MYH15: variants seen among roughly 807,000 people sequenced by gnomAD.
MYH15 encodes myosin heavy chain 15.
A neutral mutation model predicts 240.5 loss-of-function variants in MYH15; 227 were observed. That is an observed-to-expected ratio of 0.94 (90% CI 0.85 to 1.05). The LOEUF (loss-of-function observed/expected upper bound fraction) is 1.05, where lower values mean the gene tolerates loss of function less well. Among genes scored for constraint, MYH15 ranks in the 50% least tolerant of loss-of-function variants. The pLI is 0.00. For missense variants in MYH15, 2,217 were observed against 2,247.5 expected, an observed-to-expected ratio of 0.99 and a Z score of 0.27; for synonymous variants, 785 against 796.7, an observed-to-expected ratio of 0.99 and a Z score of 0.25.
intron 16 of MYH15, among the ~76,000 whole-genome samples, chr3:108,460,785 C>G (rs540648177): frequency 2.1e-4 from 32 of 151,764 alleles, no homozygotes; most frequent in East Asian, 1.7e-3. Context: ...GTTTACAAAG[C>G]CTAAATTTTA....
In MYH15 at chr3:108,501,792, C is replaced by T. The variant is rs777019977; in HGVS notation, c.259G>A (p.Asp87Asn). The change falls in exon 3 of 41, where the codon GAC (aspartate) becomes AAC (asparagine). Residue 87 changes from aspartate (D) to asparagine (N), a missense_variant. By Grantham distance (23) the Asp-to-Asn change is conservative. Coordinates refer to ENST00000693548, the MANE Select transcript of MYH15 (RefSeq NM_014981.3). ...TTGAGGTGAGTCAGCATTGCCATGT[C>T]TTCAATCATTTCAAACTCTGGAGGA... is the stretch of plus-strand genomic sequence containing the variant. The part of the protein sequence containing the change: ...MNPPEFEMIE[D>N]MAMLTHLNEA... 2 of 1,614,102 alleles carry T rather than the reference C, an allele frequency of 1.2e-6. No homozygotes were observed. The highest frequency in any genetic ancestry group is 1.7e-6 in the Non-Finnish European group (2 of 1,179,984).
chr3:108,495,770 T>C lies in MYH15; in HGVS notation c.711+10A>G, dbSNP rs764941511. Reference sequence around the variant, plus strand: ...AATACTTTGATATTATGCTAAATCATGTTACTTACAAAACGAGAGGAGTTG... The same window carrying C: ...AATACTTTGATATTATGCTAAATCACGTTACTTACAAAACGAGAGGAGTTG... On this transcript the variant is annotated intron_variant, in intron 7 of 40. Transcript: ENST00000693548. 1.3e-5 allele frequency: 21 copies of C among 1,597,522 alleles called. No individual in the cohort carries two copies. Among genetic ancestry groups the C allele is most frequent in the Non-Finnish European group, 1.7e-5 (20 of 1,166,924 alleles).
chr3:108,492,366 C>T, intron 9 of MYH15, 134 bp downstream of exon 9: 2 of 495,968 alleles, frequency 4.0e-6, no homozygotes, highest in Non-Finnish European at 7.2e-6. Context: ...GATTCAATTC[C>T]CTAAGTTTTA....
chr3:108,429,868 G>A (rs1013508832), intron 26 of MYH15, among the ~76,000 whole-genome samples: 1 of 152,112 alleles, frequency 6.6e-6, no homozygotes, highest in Non-Finnish European at 1.5e-5. Flanking sequence ...CTTCCAACTG[G>A]TTATCATGGG....
At chr3:108,501,275 T>C (rs1258458502) in intron 3 of MYH15, among the ~76,000 whole-genome samples, 1 of 152,208 alleles carries the variant, frequency 6.6e-6, no homozygotes. Flanking sequence ...ATCATCAATT[T>C]AAAGATGATG....
In MYH15 at chr3:108,381,567, A is replaced by C. The variant is rs2082343760; in HGVS notation, c.5767-8T>G. On this transcript the variant is annotated splice_region_variant and splice_polypyrimidine_tract_variant and intron_variant, in intron 40 of 40. Coordinates refer to ENST00000693548, the MANE Select transcript of MYH15 (RefSeq NM_014981.3). The stretch of plus-strand genomic sequence containing the variant: ...ATGCTATTCTTCTTGAACCTGAAAA[A>C]CAGAATGTCAGTGTGTTCTGTGAAT... 1.9e-6 allele frequency: 3 copies of C among 1,613,674 alleles called. No homozygotes were observed. Among genetic ancestry groups the C allele is most frequent in the Non-Finnish European group, 2.5e-6 (3 of 1,179,640 alleles).
At chr3:108,434,696 T>C (rs2082816637) in intron 25 of MYH15, among the ~76,000 whole-genome samples, 1 of 152,240 alleles carries the variant, frequency 6.6e-6, no homozygotes, top group Non-Finnish European at 1.5e-5. Context: ...TTTTCCTTAA[T>C]ATTTTGCTTT....
chr3:108,460,561 A>G (rs1389227447), intron 16 of MYH15, among the ~76,000 whole-genome samples, 194 bp from the exon 17 acceptor site: 1 of 152,142 alleles, frequency 6.6e-6, no homozygotes, highest in Non-Finnish European at 1.5e-5. Context: ...TAAGGATATA[A>G]TCAGGCAACT....
the MYH15 span, among the ~76,000 whole-genome samples, chr3:108,548,914 G>A: frequency 6.6e-6 from 1 of 152,102 alleles, no homozygotes; most frequent in African/African-American, 2.4e-5. Flanking sequence ...AATGGACACT[G>A]ACCTGATAAT....
chr3:108,443,154 TAC>T (rs1308264613), intron 22 of MYH15, among the ~76,000 whole-genome samples: 1 of 152,200 alleles, frequency 6.6e-6, no homozygotes, highest in Non-Finnish European at 1.5e-5. Context: ...TTGTGATTCT[TAC>T]AGTTTCTTAC....
chr3:108,493,074 G>A (rs764630563), intron 8 of MYH15, 40 bp downstream of exon 8: 2 of 1,548,046 alleles, frequency 1.3e-6, no homozygotes, highest in South Asian at 1.1e-5. Flanking sequence ...AGGAAGGGAA[G>A]AAAAGAAAAA....
chr3:108,455,964 GTTACTAATATGTTCAAT>G (rs2083016540), intron 19 of MYH15, 105 bp from the exon 20 acceptor site: 1 of 1,116,404 alleles, frequency 9.0e-7, no homozygotes, highest in African/African-American at 1.6e-5. Context: ...TTTTATCTCT[GTTACTAATATGTTCAAT>G]TTTCACAAGA....
chr3:108,484,769 G>A (rs1046112458), intron 11 of MYH15, among the ~76,000 whole-genome samples: 3 of 152,034 alleles, frequency 2.0e-5, no homozygotes, highest in East Asian at 1.9e-4. Flanking sequence ...CGTGAGTCAC[G>A]GTGTCCGGCC....
chr3:108,437,405 GAA>G, intron 25 of MYH15, 147 bp downstream of exon 25: 1 of 952,472 alleles, frequency 1.0e-6, no homozygotes, highest in Non-Finnish European at 1.5e-6. Flanking sequence ...GTCCAGTAAA[GAA>G]AAAAAAAATT....
At chr3:108,391,655 T>C (rs1385451738) in intron 37 of MYH15, 105 bp downstream of exon 37, 1 of 1,201,052 alleles carries the variant, frequency 8.3e-7, no homozygotes, top group Admixed American at 2.3e-5. Context: ...AAAGCAAAAG[T>C]GATAAAGGGT....
intron 37 of MYH15, among the ~76,000 whole-genome samples, chr3:108,390,097 G>A (rs1043561375): frequency 7.2e-5 from 11 of 152,092 alleles, no homozygotes; most frequent in African/African-American, 1.2e-4. Context: ...TCTGTCTGTC[G>A]GGATGTGAGC....
intron 31 of MYH15, among the ~76,000 whole-genome samples, chr3:108,409,661 A>G (rs972389082): frequency 2.6e-5 from 4 of 152,212 alleles, no homozygotes; most frequent in African/African-American, 9.6e-5. Context: ...CAGGGTTTTC[A>G]TGCACATTGC....
At chr3:108,516,066 G>A (rs1053966120) in intron 1 of MYH15, among the ~76,000 whole-genome samples, 2 of 152,082 alleles carry the variant, frequency 1.3e-5, no homozygotes, top group Non-Finnish European at 2.9e-5. Context: ...TTTCACCTTG[G>A]CATTTCAGTG....
At chr3:108,524,543 C>T (rs1433323899) in intron 1 of MYH15, among the ~76,000 whole-genome samples, 1 of 151,804 alleles carries the variant, frequency 6.6e-6, no homozygotes, top group Non-Finnish European at 1.5e-5. Flanking sequence ...ATATTTTTTA[C>T]AGTTAAATAT....
Sources: gnomAD v4.1 joint callset for allele counts (sites outside exome capture counted in the v4.1 genomes callset) on GRCh38, gnomAD v4.1.1 for gene constraint, MANE v1.5 for transcripts, NCBI Gene and HGNC (gene_info 2026-07-23, HGNC 2026-07-21) for gene names.